The following FGD4 variants were observed in gnomAD, a reference collection of about 807,000 sequenced individuals.
The protein encoded by FGD4 is FYVE, RhoGEF and PH domain containing 4, also known as FYVE, RhoGEF and PH domain-containing protein 4.
In FGD4, 42 loss-of-function variants were observed where a neutral mutation model predicts 102.0. That is an observed-to-expected ratio of 0.41 (90% CI 0.32 to 0.53). The LOEUF is 0.53. FGD4 is among the 20% of genes least tolerant of loss of function. FGD4 has a pLI of 0.21. For missense variants in FGD4, 902 were observed against 1,078.2 expected, an observed-to-expected ratio of 0.84 and a Z score of 2.29; for synonymous variants, 380 against 375.7, an observed-to-expected ratio of 1.01 and a Z score of -0.13.
At chr12:32,473,252 G>A (rs1943473570) in intron 1 of FGD4, among the ~76,000 whole-genome samples, 1 of 151,934 alleles carries the variant, frequency 6.6e-6, no homozygotes, top group South Asian at 2.1e-4. Context: ...CAACCTGCTC[G>A]TGTCCCCTTC....
chr12:32,481,315 C>CA (rs1450735991), intron 1 of FGD4, among the ~76,000 whole-genome samples: 9 of 151,770 alleles, frequency 5.9e-5, no homozygotes, highest in Admixed American at 1.3e-4. Flanking sequence ...AATTAGCTGC[C>CA]AAATACATTG....
intron 1 of FGD4, among the ~76,000 whole-genome samples, chr12:32,474,593 G>A (rs1015750193): frequency 2.0e-5 from 3 of 152,142 alleles, no homozygotes; most frequent in African/African-American, 7.2e-5. Context: ...TGGAATGGGG[G>A]AAGGTGATAG....
intron 3 of FGD4, 75 bp from the exon 4 acceptor site, chr12:32,581,885 T>G: frequency 6.5e-7 from 1 of 1,534,566 alleles, no homozygotes; most frequent in South Asian, 1.2e-5. Flanking sequence ...CCTTTTCAAC[T>G]GGAATAAACT....
chr12:32,433,880 G>A (rs149473988), intron 1 of FGD4, among the ~76,000 whole-genome samples: 2 of 151,082 alleles, frequency 1.3e-5, no homozygotes, highest in South Asian at 2.1e-4. Flanking sequence ...TTTTTGAGAC[G>A]GAGTCTTGCT....
chr12:32,460,513 A>G (rs974238394), intron 1 of FGD4, among the ~76,000 whole-genome samples: 3 of 151,974 alleles, frequency 2.0e-5, no homozygotes, highest in Non-Finnish European at 4.4e-5. Context: ...AAAAAAAAAA[A>G]AAGAAGAAGA....
chr12:32,608,045 ACTAT>A lies in FGD4; in HGVS notation c.1497_1500del (p.Tyr499Ter). ...CCCCGGTATGAGATGCTCCTTAAGG[ACTAT>A]CTAAGGAAATTGCCTCCTGATTCCC... On this transcript the variant is annotated frameshift_variant, in exon 8 of 17. Transcript: ENST00000534526. LOFTEE classifies it high-confidence loss of function. The A allele has an allele frequency of 1.2e-6, 2 of 1,614,256 alleles. No homozygotes were observed. The highest frequency in any genetic ancestry group is 8.5e-7 in the Non-Finnish European group (1 of 1,180,050).
chr12:32,586,429 G>A (rs1053320911), intron 4 of FGD4, among the ~76,000 whole-genome samples: 5 of 152,090 alleles, frequency 3.3e-5, no homozygotes, highest in South Asian at 2.1e-4. Flanking sequence ...ATACTTGATC[G>A]CATAATGTAT....
At chr12:32,528,888 C>G (rs74072613) in intron 1 of FGD4, among the ~76,000 whole-genome samples, 7,600 of 151,996 alleles carry the variant, frequency 0.05, 461 homozygotes, top group African/African-American at 0.13. Context: ...CAGCTGTACT[C>G]TGTGTGTGTG....
chr12:32,608,984 T>G (rs1948966800), intron 8 of FGD4, among the ~76,000 whole-genome samples: 1 of 152,188 alleles, frequency 6.6e-6, no homozygotes, highest in Admixed American at 6.5e-5. Flanking sequence ...TGGCGCGATC[T>G]TAGCTCACTG....
chr12:32,618,519 A>T (rs972431087), intron 10 of FGD4, among the ~76,000 whole-genome samples: 3 of 152,106 alleles, frequency 2.0e-5, no homozygotes, highest in Non-Finnish European at 4.4e-5. Flanking sequence ...AAAGCTTAAC[A>T]TTAAACAGTC....
chr12:32,494,045 C>T (rs887684279), intron 1 of FGD4, among the ~76,000 whole-genome samples: 4 of 152,086 alleles, frequency 2.6e-5, no homozygotes, highest in African/African-American at 4.8e-5. Flanking sequence ...AGTCAAACTT[C>T]GTCAGGGAAG....
In FGD4 at chr12:32,486,740, T is replaced by G. The variant is rs185122526; in HGVS notation, c.167-77397T>G. Among the ~76,000 whole-genome samples the G allele has an allele frequency of 5.7e-3, 867 of 152,324 alleles. 5 individuals carry two copies. The highest frequency in any genetic ancestry group is 0.02 in the African/African-American group (828 of 41,564). ...ATTGGGATCTGAAGTATAGTTGACT[T>G]GACTAGGTACTTCTATCATTGTGGC... On this transcript the variant is annotated intron_variant, in intron 1 of 16. Coordinates refer to ENST00000534526, the MANE Select transcript of FGD4 (RefSeq NM_001370298.3).
intron 2 of FGD4, among the ~76,000 whole-genome samples, chr12:32,574,557 A>G (rs1157810141): frequency 3.3e-5 from 5 of 152,190 alleles, no homozygotes; most frequent in Non-Finnish European, 1.5e-5. Context: ...CCCCAAACAT[A>G]TGTTGGAAAA....
At chr12:32,462,602 C>A (rs1943138188) in intron 1 of FGD4, among the ~76,000 whole-genome samples, 1 of 151,886 alleles carries the variant, frequency 6.6e-6, no homozygotes, top group South Asian at 2.1e-4. Flanking sequence ...TGAGATGAGA[C>A]CATAGTTTGT....
At chr12:32,535,085 G>C (rs1942132627) in intron 1 of FGD4, among the ~76,000 whole-genome samples, 1 of 152,220 alleles carries the variant, frequency 6.6e-6, no homozygotes, top group Admixed American at 6.5e-5. Context: ...GTGTTGTAGA[G>C]AGCATATTAA....
At chr12:32,576,870 C>T (rs1361655801) in intron 3 of FGD4, among the ~76,000 whole-genome samples, 1 of 152,104 alleles carries the variant, frequency 6.6e-6, no homozygotes, top group Non-Finnish European at 1.5e-5. Flanking sequence ...CCCCTGTGGG[C>T]TTGTCTCCTC....
At chr12:32,509,977 A>G (rs1939189368) in intron 1 of FGD4, among the ~76,000 whole-genome samples, 2 of 152,232 alleles carry the variant, frequency 1.3e-5, no homozygotes, top group African/African-American at 4.8e-5. Context: ...AGAGACTCCA[A>G]TGGGCTAAGC....
Position 32,399,868 on chromosome 12 carries a change from C to A in FGD4, c.75C>A (p.Pro25=). The part of the protein sequence containing the change: ...RRKSNPSYLP[P]GVPRPWSRPA... The stretch of plus-strand genomic sequence containing the variant: ...AGTCCAACCCCTCCTACCTGCCGCC[C>A]GGGGTGCCCCGGCCCTGGAGCAGGC... The change falls in exon 1 of 17, where the codon CCC becomes CCA. Residue 25 remains proline, a synonymous_variant. Transcript: ENST00000534526. The A allele has an allele frequency of 6.5e-7, 1 of 1,531,002 alleles. No homozygotes were observed. The highest frequency in any genetic ancestry group is 8.7e-7 in the Non-Finnish European group (1 of 1,145,136). 94.8% of individuals were successfully genotyped at this position (1,531,002 alleles called of 1,614,324 possible). A position where few individuals can be genotyped will look rare whatever the true frequency, so the allele number is the denominator to read the frequency against.
intron 1 of FGD4, among the ~76,000 whole-genome samples, chr12:32,412,887 C>G (rs576049065): frequency 2.1e-5 from 3 of 143,892 alleles, no homozygotes; most frequent in Middle Eastern, 3.5e-3. Context: ...TCCAGAGACC[C>G]CTTTTCTAGA....
Sources: allele counts gnomAD v4.1 joint callset (sites outside exome capture counted in the v4.1 genomes callset), GRCh38; gene constraint gnomAD v4.1.1; transcripts MANE v1.5; gene names NCBI Gene and HGNC (gene_info 2026-07-23, HGNC 2026-07-21).